The following CBR4 variants were observed in gnomAD, a reference collection of about 807,000 sequenced individuals.
CBR4 encodes 3-oxoacyl-[acyl-carrier-protein] reductase.
In CBR4, 22 loss-of-function variants were observed where a neutral mutation model predicts 21.0. The ratio of observed to expected loss-of-function variants is 1.05; its 90% CI spans 0.75 to 1.50. The LOEUF (loss-of-function observed/expected upper bound fraction) is 1.50, where lower values mean the gene tolerates loss of function less well. CBR4 is among the 40% of genes most tolerant of loss of function. The pLI is 0.00. For missense variants in CBR4, 302 were observed against 286.3 expected (o/e 1.05, Z -0.40); for synonymous variants, 100 against 104.4 (o/e 0.96, Z 0.26).
At chr4:168,932,268 TTA>T (rs1491528704) in intron 2 of CBR4, among the ~76,000 whole-genome samples, 1 of 150,534 alleles carries the variant, frequency 6.6e-6, no homozygotes, top group Admixed American at 6.6e-5. Context: ...AACAGAAATC[TTA>T]GAGTTGAAGA....
At chr4:168,926,608 A>T (rs528179650) in intron 2 of CBR4, 1 of 448,648 alleles carries the variant, frequency 2.2e-6, no homozygotes, top group Non-Finnish European at 4.0e-6. Flanking sequence ...TTTACTGTCC[A>T]ATTTAAAACT....
At chr4:168,903,626 G>T in intron 2 of CBR4, 1 of 733,836 alleles carries the variant, frequency 1.4e-6, no homozygotes, top group East Asian at 2.6e-5. Flanking sequence ...TCCTTAGTCA[G>T]GTATTTGGTT....
At position 168,958,796 on chromosome 4, in the gene CBR4, T is replaced by C. The variant is rs142350380; in HGVS notation, n.169+43275A>G. ...TTTTACTTTGCATTTCCCTGGTGAC[T>C]AAAGCTACTGAGCATCTTTTCACAT... On this transcript the variant is annotated intron_variant and non_coding_transcript_variant, in intron 2 of 3. Coordinates refer to the CBR4 transcript ENST00000509108. Among the ~76,000 whole-genome samples the C allele has an allele frequency of 1.9e-3, 291 of 152,344 alleles. 2 individuals carry two copies. Among genetic ancestry groups the C allele is most frequent in the African/African-American group, 6.6e-3 (275 of 41,576 alleles).
chr4:168,942,887 C>T (rs1336740351), intron 2 of CBR4, among the ~76,000 whole-genome samples: 1 of 152,016 alleles, frequency 6.6e-6, no homozygotes, highest in Non-Finnish European at 1.5e-5. Flanking sequence ...CATCACTAAT[C>T]AAGGAAATGA....
intron 2 of CBR4, among the ~76,000 whole-genome samples, chr4:168,943,553 C>T (rs1763319759): frequency 6.6e-6 from 1 of 152,042 alleles, no homozygotes. Flanking sequence ...CAAAATATGC[C>T]GGGAGTGAAC....
chr4:168,947,311 G>C (rs1309323028), intron 2 of CBR4, among the ~76,000 whole-genome samples: 1 of 152,088 alleles, frequency 6.6e-6, no homozygotes, highest in Non-Finnish European at 1.5e-5. Flanking sequence ...TGGGCCAGTA[G>C]AGTGTTCTGC....
At chr4:168,952,887 G>T (rs1159387913) in intron 2 of CBR4, among the ~76,000 whole-genome samples, 1 of 152,224 alleles carries the variant, frequency 6.6e-6, no homozygotes, top group Admixed American at 6.5e-5. Context: ...TTTTGTGCTG[G>T]TTGGCCTCCT....
intron 2 of CBR4, among the ~76,000 whole-genome samples, chr4:168,899,316 G>A (rs953257523): frequency 6.6e-6 from 1 of 152,060 alleles, no homozygotes; most frequent in African/African-American, 2.4e-5. Context: ...ATCTTTAAAG[G>A]AAGGACTAGA....
chr4:169,010,026 T>C lies in CBR4; in HGVS notation c.64A>G (p.Met22Val). Residue 22 changes from methionine to valine, a missense_variant, in exon 1 of 5, where the codon ATG becomes GTG. By Grantham distance (21) the Met-to-Val change is conservative. Coordinates refer to ENST00000306193, the MANE Select transcript of CBR4 (RefSeq NM_032783.5). Reference sequence around the variant, plus strand: ...GCCAGTCGGTAGCCTTTCCGGGCCATTAACTGGGCCACAGCTCTGCCAATG... The same window carrying C: ...GCCAGTCGGTAGCCTTTCCGGGCCACTAACTGGGCCACAGCTCTGCCAATG... The part of the protein sequence containing the change: ...RGIGRAVAQL[M>V]ARKGYRLAVI... 5 of 1,613,762 alleles carry C rather than the reference T, an allele frequency of 3.1e-6. No individual in the cohort carries two copies. Among genetic ancestry groups the C allele is most frequent in the Non-Finnish European group, 4.2e-6 (5 of 1,179,932 alleles).
chr4:169,000,042 C>T (rs1264246183), intron 4 of CBR4, among the ~76,000 whole-genome samples: 3 of 152,162 alleles, frequency 2.0e-5, no homozygotes, highest in South Asian at 2.1e-4. Context: ...TTCCATTCCC[C>T]GAAACCATTC....
intron 2 of CBR4, among the ~76,000 whole-genome samples, chr4:168,966,386 G>A (rs1364877305): frequency 6.6e-6 from 1 of 150,774 alleles, no homozygotes; most frequent in African/African-American, 2.4e-5. Flanking sequence ...AAAAGGCCAG[G>A]CGTGGTGGCA....
At chr4:168,999,394 GA>G (rs1730216786) in intron 4 of CBR4, among the ~76,000 whole-genome samples, 1 of 152,126 alleles carries the variant, frequency 6.6e-6, no homozygotes, top group African/African-American at 2.4e-5. Context: ...GTAATCCACA[GA>G]ACTGATTTAA....
At position 168,976,579 on chromosome 4, in the gene CBR4, G is replaced by A. The variant is rs1764378572; in HGVS notation, n.169+25492C>T. On this transcript the variant is annotated intron_variant and non_coding_transcript_variant, in intron 2 of 3. Transcript: ENST00000509108. ...TCTTGTAGTACATTCTCAAGGGTGG[G>A]AAGAATATTACAAATTACCTTCTTA... Among the ~76,000 whole-genome samples the A allele has an allele frequency of 2.0e-5, 3 of 152,156 alleles. No homozygotes were observed. In the South Asian group the frequency reaches 6.2e-4, roughly 31 times the overall value.
chr4:169,007,154 T>C (rs1162497699), intron 2 of CBR4, among the ~76,000 whole-genome samples: 1 of 152,198 alleles, frequency 6.6e-6, no homozygotes, highest in Non-Finnish European at 1.5e-5. Flanking sequence ...TAAAAAGTAG[T>C]AACATATAGC....
chr4:168,949,482 G>A (rs192583792), intron 2 of CBR4, among the ~76,000 whole-genome samples: 2 of 152,200 alleles, frequency 1.3e-5, no homozygotes, highest in African/African-American at 4.8e-5. Context: ...TCCCTACTCA[G>A]TATTATGTTG....
chr4:169,005,790 T>G (rs912574201), intron 3 of CBR4: 1 of 847,946 alleles, frequency 1.2e-6, no homozygotes, highest in Non-Finnish European at 1.7e-6. Flanking sequence ...TTTATTAGCA[T>G]AGTATTCTTT....
intron 2 of CBR4, among the ~76,000 whole-genome samples, chr4:168,901,703 C>T (rs1756555097): frequency 6.6e-6 from 1 of 151,962 alleles, no homozygotes; most frequent in South Asian, 2.1e-4. Context: ...ACTAAAAATA[C>T]AAACATTAGC....
At chr4:168,972,740 C>G (rs1212184573) in intron 2 of CBR4, among the ~76,000 whole-genome samples, 1 of 152,192 alleles carries the variant, frequency 6.6e-6, no homozygotes, top group Non-Finnish European at 1.5e-5. Context: ...GACAGTTTGA[C>G]TTCCTCTTTA....
At chr4:168,941,432 C>A (rs1321668415) in intron 2 of CBR4, among the ~76,000 whole-genome samples, 1 of 152,006 alleles carries the variant, frequency 6.6e-6, no homozygotes, top group South Asian at 2.1e-4. Context: ...ATCACATTGA[C>A]AAAATAAAGG....
Sources: gnomAD v4.1 joint callset for allele counts (sites outside exome capture counted in the v4.1 genomes callset) on GRCh38, gnomAD v4.1.1 for gene constraint, MANE v1.5 for transcripts, NCBI Gene and HGNC (gene_info 2026-07-23, HGNC 2026-07-21) for gene names.